The following TTC7A variants were observed in gnomAD, a reference collection of about 807,000 sequenced individuals.
TTC7A encodes the protein tetratricopeptide repeat domain 7A.
A neutral mutation model predicts 103.7 loss-of-function variants in TTC7A; 110 were observed. The ratio of observed to expected loss-of-function variants is 1.06; its 90% CI spans 0.91 to 1.24. The LOEUF is 1.24. TTC7A is among the 50% of genes most tolerant of loss of function. TTC7A has a pLI of 0.00. For missense variants in TTC7A, 1,340 were observed against 1,116.3 expected (o/e 1.20, Z -2.86); for synonymous variants, 521 against 467.9 (o/e 1.11, Z -1.47).
chr2:46,957,155 G>T, intron 3 of TTC7A, 148 bp downstream of exon 3: 1 of 995,050 alleles, frequency 1.0e-6, no homozygotes, highest in South Asian at 1.6e-5. Flanking sequence ...GATGCCGGTG[G>T]CAACCGGCCA....
chr2:46,940,428 C>A (rs368584244), upstream of TTC7A, among the ~76,000 whole-genome samples: 13 of 152,178 alleles, frequency 8.5e-5, no homozygotes, highest in Non-Finnish European at 1.5e-4. The surrounding 1 kb of genome is among the most constrained non-coding windows in gnomAD (Gnocchi z 4.7). Context: ...AGGTCTCCCC[C>A]CAAGGGTGGA....
At chr2:47,000,804 G>T (rs1002126931) in intron 8 of TTC7A, among the ~76,000 whole-genome samples, 13 of 152,298 alleles carry the variant, frequency 8.5e-5, no homozygotes, top group African/African-American at 3.1e-4. Flanking sequence ...GAATGCGGTT[G>T]ATCAGGGCCT....
chr2:46,987,549 G>A (rs532854208), intron 5 of TTC7A, among the ~76,000 whole-genome samples: 2 of 152,298 alleles, frequency 1.3e-5, no homozygotes, highest in South Asian at 4.1e-4. Flanking sequence ...CTCTGAGTTG[G>A]TTTTTCCCTT....
At chr2:46,951,693 G>T (rs1194222694) in intron 2 of TTC7A, 1 of 456,104 alleles carries the variant, frequency 2.2e-6, no homozygotes, top group Non-Finnish European at 4.4e-6. Flanking sequence ...TTACAGGAGT[G>T]AGGCACTGCG....
At chr2:47,034,624 C>CTCCCG (rs1031233612) in intron 15 of TTC7A, among the ~76,000 whole-genome samples, 1 of 152,158 alleles carries the variant, frequency 6.6e-6, no homozygotes, top group African/African-American at 2.4e-5. Flanking sequence ...CCTGTCACGG[C>CTCCCG]TCCCGTCCCA....
intron 4 of TTC7A, among the ~76,000 whole-genome samples, chr2:46,977,313 C>G (rs1276115080): frequency 6.6e-6 from 1 of 152,208 alleles, no homozygotes; most frequent in Non-Finnish European, 1.5e-5. Flanking sequence ...TCCTGAGACC[C>G]AGTCCTGACC....
At chr2:47,016,358 C>A (rs910265169) in intron 11 of TTC7A, among the ~76,000 whole-genome samples, 1 of 152,236 alleles carries the variant, frequency 6.6e-6, no homozygotes, top group Non-Finnish European at 1.5e-5. Context: ...TCTGCTACTT[C>A]CTAGACAGGT....
intron 8 of TTC7A, among the ~76,000 whole-genome samples, chr2:46,995,939 G>T (rs1256436711): frequency 6.6e-6 from 1 of 152,256 alleles, no homozygotes; most frequent in Non-Finnish European, 1.5e-5. Flanking sequence ...CAGAGGAGAA[G>T]ACAAATCGTG....
At position 46,965,403 on chromosome 2, in the gene TTC7A, G is replaced by A. The variant is rs575658097; in HGVS notation, c.517+8396G>A. ...CATGGACAGGAGCTCAGTCCCTGTG[G>A]CACTGCTGTCTTGGCCCCAGGTGAG... On this transcript the variant is annotated intron_variant, in intron 3 of 19. Transcript: ENST00000319190. Among the ~76,000 whole-genome samples the A allele has an allele frequency of 2.0e-5, 3 of 152,278 alleles. 1 individual carries two copies. The highest frequency in any genetic ancestry group is 7.2e-5 in the African/African-American group (3 of 41,564).
intron 15 of TTC7A, among the ~76,000 whole-genome samples, chr2:47,036,146 G>A (rs1048857349): frequency 6.6e-6 from 1 of 152,182 alleles, no homozygotes; most frequent in Non-Finnish European, 1.5e-5. Context: ...GCCGAGACCC[G>A]GAGGCCAGTT....
chr2:47,061,823 G>T (rs1683806553), intron 19 of TTC7A, among the ~76,000 whole-genome samples: 2 of 151,936 alleles, frequency 1.3e-5, no homozygotes, highest in African/African-American at 4.9e-5. Context: ...CATGTATCCG[G>T]ATAAATATAG....
At chr2:47,034,562 T>C (rs1349686721) in intron 15 of TTC7A, among the ~76,000 whole-genome samples, 1 of 152,118 alleles carries the variant, frequency 6.6e-6, no homozygotes, top group African/African-American at 2.4e-5. Flanking sequence ...AAGGTCACCA[T>C]AGTAACCAAA....
At chr2:46,992,475 C>T (rs562504886) in intron 5 of TTC7A, among the ~76,000 whole-genome samples, 46 of 152,254 alleles carry the variant, frequency 3.0e-4, no homozygotes, top group Middle Eastern at 3.4e-3. Flanking sequence ...AAGCCAGTGC[C>T]GAGACTTGAT....
intron 10 of TTC7A, among the ~76,000 whole-genome samples, chr2:47,010,357 C>G (rs1677908497): frequency 6.6e-6 from 1 of 152,190 alleles, no homozygotes. Context: ...AGGCAGAGGG[C>G]CAGATTTGGC....
intron 4 of TTC7A, among the ~76,000 whole-genome samples, chr2:46,976,916 G>T (rs548275836): frequency 1.1e-4 from 16 of 152,352 alleles, no homozygotes; most frequent in African/African-American, 3.6e-4. Context: ...GGACTTGAGT[G>T]CCCATTCTTT....
At position 46,999,948 on chromosome 2, in the gene TTC7A, A is replaced by G. The variant is rs777795494; in HGVS notation, c.1065+4749A>G. ...ATTAACAGACTTTGTGCCATGCCCA[A>G]TGCTGGGCATCTGGCTGTTTGAATC... On this transcript the variant is annotated intron_variant, in intron 8 of 19. Coordinates refer to ENST00000319190, the MANE Select transcript of TTC7A (RefSeq NM_020458.4). The G allele has an allele frequency of 2.7e-4, 253 of 953,062 alleles. 1 individual carries two copies. The highest frequency in any genetic ancestry group is 9.3e-4 in the East Asian group (8 of 8,612). The allele number at this position is 953,062 out of a possible 1,614,324, so 59.0% of individuals were successfully genotyped here.
intron 15 of TTC7A, among the ~76,000 whole-genome samples, chr2:47,038,874 G>A (rs574587922): frequency 3.3e-5 from 5 of 152,052 alleles, no homozygotes; most frequent in East Asian, 1.9e-4. Context: ...TTCCTCTTCC[G>A]TTCTTCAGCA....
chr2:47,028,914 G>T (rs1473912978), intron 14 of TTC7A, among the ~76,000 whole-genome samples: 1 of 152,138 alleles, frequency 6.6e-6, no homozygotes, highest in East Asian at 1.9e-4. Context: ...GAACTCCAGG[G>T]TGACGTTTCC....
At chr2:46,947,027 A>C (rs1671003723) in intron 1 of TTC7A, among the ~76,000 whole-genome samples, 1 of 152,154 alleles carries the variant, frequency 6.6e-6, no homozygotes, top group East Asian at 1.9e-4. Context: ...AGTAGTCTGA[A>C]AGTCACAGGT....
Sources: gnomAD v4.1 joint callset for allele counts (sites outside exome capture counted in the v4.1 genomes callset) on GRCh38, gnomAD v4.1.1 for gene constraint, Gnocchi (gnomAD v3.1) non-coding constraint, MANE v1.5 for transcripts, NCBI Gene and HGNC (gene_info 2026-07-23, HGNC 2026-07-21) for gene names.